The following EEPD1 variants were observed in gnomAD, a reference collection of about 807,000 sequenced individuals.
EEPD1 encodes the protein endonuclease/exonuclease/phosphatase family domain containing 1.
In EEPD1, 17 loss-of-function variants were observed where a neutral mutation model predicts 46.3. The observed-to-expected ratio is 0.37, with a 90% CI of 0.25 to 0.55. The LOEUF is 0.55. EEPD1 is among the 20% of genes least tolerant of loss of function. The probability of loss-of-function intolerance (pLI) is 0.83; values close to 1 mark genes in which losing one functional copy is unlikely to be tolerated. For synonymous variants in EEPD1, 313 were observed against 315.6 expected (o/e 0.99, Z 0.09); for missense variants, 673 against 745.6 (o/e 0.90, Z 1.13).
intron 2 of EEPD1, among the ~76,000 whole-genome samples, chr7:36,200,135 T>C (rs943572954): frequency 1.3e-5 from 2 of 151,910 alleles, no homozygotes; most frequent in African/African-American, 2.4e-5. Flanking sequence ...CTCCTCCCAC[T>C]CTCCATCCTC....
chr7:36,156,825 G>A (rs886338375), intron 2 of EEPD1, among the ~76,000 whole-genome samples: 18 of 152,358 alleles, frequency 1.2e-4, no homozygotes, highest in South Asian at 6.2e-4. Context: ...ATTGTACTAG[G>A]TGTTAGGCAA....
intron 3 of EEPD1, 96 bp from the exon 4 acceptor site, chr7:36,281,019 C>T: frequency 1.0e-6 from 1 of 980,518 alleles, no homozygotes; most frequent in Non-Finnish European, 1.6e-6. Flanking sequence ...AGGCTGATGA[C>T]TCAGAATCAT....
Position 36,154,035 on chromosome 7 carries a change from TC to T in EEPD1, c.-192-94del. 2.2e-6 allele frequency: 1 copy of T among 453,264 alleles called. No individual in the cohort carries two copies. Among genetic ancestry groups the T allele is most frequent in the Admixed American group, 3.9e-5 (1 of 25,826 alleles). 28.1% of individuals were successfully genotyped at this position (453,264 alleles called of 1,614,324 possible). ...TTAGGGGTTCACGGGCAGCCACCAGTCCCCGACTCCTGGTTACTAACTCTAG... is the reference window on the plus strand; with the variant it reads ...TTAGGGGTTCACGGGCAGCCACCAGTCCCGACTCCTGGTTACTAACTCTAG... On this transcript the variant is annotated intron_variant, in intron 1 of 7. Transcript: ENST00000242108. This position sits in a 1 kb window ranked among gnomAD's most constrained non-coding sequence, Gnocchi z 4.2.
At chr7:36,180,629 G>A (rs907478520) in intron 2 of EEPD1, among the ~76,000 whole-genome samples, 1 of 152,120 alleles carries the variant, frequency 6.6e-6, no homozygotes, top group African/African-American at 2.4e-5. Flanking sequence ...GGAAGTTTAG[G>A]TGACTGAGTA....
chr7:36,185,734 C>T (rs1227811709), intron 2 of EEPD1, among the ~76,000 whole-genome samples: 1 of 152,218 alleles, frequency 6.6e-6, no homozygotes, highest in Admixed American at 6.5e-5. Context: ...CATGCCTCTA[C>T]ATCTTCTCAT....
chr7:36,294,072 G>A (rs1447753848), intron 6 of EEPD1, among the ~76,000 whole-genome samples: 1 of 152,142 alleles, frequency 6.6e-6, no homozygotes, highest in Middle Eastern at 3.2e-3. Flanking sequence ...TAACATTTGA[G>A]TGAAAATAAC....
chr7:36,261,133 G>A (rs1267438381), intron 3 of EEPD1, among the ~76,000 whole-genome samples: 5 of 152,144 alleles, frequency 3.3e-5, no homozygotes, highest in African/African-American at 4.8e-5. Context: ...TGGACGAATG[G>A]GTGGGTGGAT....
intron 3 of EEPD1, among the ~76,000 whole-genome samples, chr7:36,240,879 C>G (rs887489420): frequency 1.3e-5 from 2 of 152,158 alleles, no homozygotes; most frequent in African/African-American, 4.8e-5. Flanking sequence ...AGCGCACAAT[C>G]TGGGGACCCC....
chr7:36,297,276 T>C, intron 7 of EEPD1, 89 bp downstream of exon 7: 2 of 1,405,526 alleles, frequency 1.4e-6, no homozygotes, highest in Non-Finnish European at 2.0e-6. Context: ...TCACCTCCTC[T>C]GAGGCATACA....
chr7:36,231,055 G>A (rs1262472652), intron 2 of EEPD1: 1 of 152,156 alleles, frequency 6.6e-6, no homozygotes, highest in Non-Finnish European at 1.5e-5. Context: ...ATAGTTGAGG[G>A]TTTATCCTTT....
At chr7:36,195,895 G>A (rs1005818396) in intron 2 of EEPD1, among the ~76,000 whole-genome samples, 20 of 152,062 alleles carry the variant, frequency 1.3e-4, no homozygotes, top group African/African-American at 4.3e-4. Context: ...ACTGGGATAC[G>A]TCCTGAAAAA....
chr7:36,163,072 A>C (rs1784926814), intron 2 of EEPD1, among the ~76,000 whole-genome samples: 1 of 150,546 alleles, frequency 6.6e-6, no homozygotes, highest in Non-Finnish European at 1.5e-5. Flanking sequence ...TCTCTAGAGT[A>C]TATTTTCTGT....
chr7:36,185,157 A>C (rs932788316), intron 2 of EEPD1, among the ~76,000 whole-genome samples: 1 of 152,176 alleles, frequency 6.6e-6, no homozygotes, highest in African/African-American at 2.4e-5. Flanking sequence ...TGTGTTCCCC[A>C]TTCCATTGCT....
intron 2 of EEPD1, among the ~76,000 whole-genome samples, chr7:36,164,163 C>T (rs1784944579): frequency 6.6e-6 from 1 of 152,178 alleles, no homozygotes; most frequent in Non-Finnish European, 1.5e-5. Flanking sequence ...ACTTTTCTGT[C>T]TTTTATAATT....
chr7:36,244,054 TA>T (rs975692415), intron 3 of EEPD1, among the ~76,000 whole-genome samples: 6 of 150,672 alleles, frequency 4.0e-5, no homozygotes, highest in Admixed American at 6.6e-5. Context: ...TAATAATAAT[TA>T]AAAAAAAAGA....
intron 2 of EEPD1, among the ~76,000 whole-genome samples, chr7:36,197,196 TGAG>T (rs1229728439): frequency 6.7e-6 from 1 of 150,046 alleles, no homozygotes; most frequent in Non-Finnish European, 1.5e-5. Context: ...GTCTGGGAAG[TGAG>T]GAGCGTCTCC....
chr7:36,290,521 C>T (rs1337933599), intron 6 of EEPD1, among the ~76,000 whole-genome samples: 7 of 152,198 alleles, frequency 4.6e-5, no homozygotes, highest in African/African-American at 1.7e-4. Flanking sequence ...CTTCATTCCA[C>T]AGCTTCTATC....
At chr7:36,205,526 C>T (rs886977159) in intron 2 of EEPD1, among the ~76,000 whole-genome samples, 4 of 152,118 alleles carry the variant, frequency 2.6e-5, no homozygotes, top group African/African-American at 9.7e-5. Flanking sequence ...CTCTCTGGAG[C>T]TTTGCAAAGG....
chr7:36,189,704 C>A (rs926566604), intron 2 of EEPD1, among the ~76,000 whole-genome samples: 1 of 152,176 alleles, frequency 6.6e-6, no homozygotes, highest in East Asian at 1.9e-4. Context: ...TGAGCTACCC[C>A]CATTTTCTTG....
Sources: gnomAD v4.1 joint callset for allele counts (sites outside exome capture counted in the v4.1 genomes callset) on GRCh38, gnomAD v4.1.1 for gene constraint, Gnocchi (gnomAD v3.1) non-coding constraint, MANE v1.5 for transcripts, NCBI Gene and HGNC (gene_info 2026-07-23, HGNC 2026-07-21) for gene names.